PITPNC1: variants seen among roughly 807,000 people sequenced by gnomAD.
PITPNC1 encodes the protein phosphatidylinositol transfer protein cytoplasmic 1.
In PITPNC1, 18 loss-of-function variants were observed where a neutral mutation model predicts 44.7. The ratio of observed to expected loss-of-function variants is 0.40; its 90% CI spans 0.28 to 0.60. The LOEUF (loss-of-function observed/expected upper bound fraction) is 0.60, where lower values mean the gene tolerates loss of function less well. Ranked by LOEUF, PITPNC1 falls within the 20% of genes least tolerant of loss-of-function variation. The pLI is 0.39. For synonymous variants in PITPNC1, 141 were observed against 149.6 expected (o/e 0.94, Z 0.42); for missense variants, 290 against 418.4 (o/e 0.69, Z 2.68).
At chr17:67,598,486 G>A (rs972212415) in intron 5 of PITPNC1, among the ~76,000 whole-genome samples, 4 of 152,224 alleles carry the variant, frequency 2.6e-5, no homozygotes, top group African/African-American at 9.6e-5. Context: ...GGCATTAGGA[G>A]GTGAGGCCTT....
At chr17:67,624,972 A>G (rs2041878639) in intron 5 of PITPNC1, among the ~76,000 whole-genome samples, 1 of 152,182 alleles carries the variant, frequency 6.6e-6, no homozygotes, top group East Asian at 1.9e-4. Context: ...AATCTATAAC[A>G]TGGTAATTAT....
chr17:67,471,613 T>G (rs2039534168), intron 1 of PITPNC1: 1 of 359,006 alleles, frequency 2.8e-6, no homozygotes, highest in Admixed American at 3.8e-5. Flanking sequence ...TCTGTAAATC[T>G]AAAGTTAACT....
At chr17:67,655,440 G>A (rs948466390) in intron 6 of PITPNC1, among the ~76,000 whole-genome samples, 3 of 151,292 alleles carry the variant, frequency 2.0e-5, no homozygotes, top group Non-Finnish European at 2.9e-5. Flanking sequence ...GGCGCCTGTG[G>A]TCCCAGCTAC....
chr17:67,423,253 T>A (rs1405432460), intron 1 of PITPNC1, among the ~76,000 whole-genome samples: 3 of 152,220 alleles, frequency 2.0e-5, no homozygotes, highest in Non-Finnish European at 4.4e-5. Flanking sequence ...CATTGAGATT[T>A]GGGTTTAGCT....
chr17:67,633,153 C>A (rs2041991562), intron 6 of PITPNC1, among the ~76,000 whole-genome samples: 1 of 152,060 alleles, frequency 6.6e-6, no homozygotes, highest in Non-Finnish European at 1.5e-5. Context: ...ACATCCCAGC[C>A]CTGCAATGAC....
At chr17:67,659,072 G>T (rs1279394687) in intron 6 of PITPNC1, among the ~76,000 whole-genome samples, 3 of 152,108 alleles carry the variant, frequency 2.0e-5, no homozygotes, top group Non-Finnish European at 4.4e-5. Context: ...CAGCTTTCAG[G>T]CTTGTGGCTG....
chr17:67,530,617 G>A (rs1048325467), intron 1 of PITPNC1, among the ~76,000 whole-genome samples: 2 of 152,246 alleles, frequency 1.3e-5, no homozygotes, highest in Non-Finnish European at 2.9e-5. Context: ...TGTATTTTGC[G>A]GGGACACAAT....
chr17:67,620,254 A>T (rs2041812811), intron 5 of PITPNC1, among the ~76,000 whole-genome samples: 1 of 152,184 alleles, frequency 6.6e-6, no homozygotes, highest in South Asian at 2.1e-4. Flanking sequence ...GGGTCTCACT[A>T]TGTTGCCCCG....
At chr17:67,519,171 G>GTTTTTTTTTTT (rs563294178) in intron 1 of PITPNC1, among the ~76,000 whole-genome samples, 2 of 78,750 alleles carry the variant, frequency 2.5e-5, no homozygotes, top group Admixed American at 1.8e-4. Context: ...GCAGCATTCT[G>GTTTTTTTTTTT]TTTTTTTTTT....
chr17:67,589,178 C>T (rs1488061433), intron 5 of PITPNC1, among the ~76,000 whole-genome samples: 1 of 152,190 alleles, frequency 6.6e-6, no homozygotes, highest in Non-Finnish European at 1.5e-5. Flanking sequence ...GATGTGGCCA[C>T]TGCTATTTGT....
At chr17:67,682,427 G>A (rs2042727434) in intron 8 of PITPNC1, among the ~76,000 whole-genome samples, 1 of 152,134 alleles carries the variant, frequency 6.6e-6, no homozygotes, top group South Asian at 2.1e-4. Flanking sequence ...ACTGGCAGAG[G>A]AGAACGTTCT....
At chr17:67,523,790 A>G (rs1389881708) in intron 1 of PITPNC1, among the ~76,000 whole-genome samples, 1 of 148,416 alleles carries the variant, frequency 6.7e-6, no homozygotes, top group Non-Finnish European at 1.5e-5. Context: ...TCACCAGCTC[A>G]GAAATACATG....
intron 5 of PITPNC1, among the ~76,000 whole-genome samples, chr17:67,580,649 A>G (rs77313458): frequency 7.9e-5 from 12 of 152,186 alleles, no homozygotes; most frequent in Admixed American, 7.2e-4. Flanking sequence ...CTGGAAAAAA[A>G]TTTTTTAAAT....
intron 1 of PITPNC1, among the ~76,000 whole-genome samples, chr17:67,403,930 G>C (rs750899342): frequency 2.6e-5 from 4 of 152,210 alleles, no homozygotes; most frequent in African/African-American, 9.6e-5. Context: ...GCTGAGGCAG[G>C]AGAATCCCTT....
rs548354069 is a variant in PITPNC1 at position 67,693,798 on chromosome 17, G to T, written c.*910G>T. ...TACAAGGGTAGAGTAAGCTAACTGG[G>T]CTTTAACATGGTCAGAATGTCTGGT... On this transcript the variant is annotated 3_prime_UTR_variant, in exon 9 of 9. Coordinates refer to ENST00000581322, the MANE Select transcript of PITPNC1 (RefSeq NM_012417.4). 6.6e-6 allele frequency: 1 copy of T among 152,274 alleles called. No homozygotes were observed. Among genetic ancestry groups the T allele is most frequent in the Admixed American group, 6.5e-5 (1 of 15,290 alleles). 9.4% of individuals were successfully genotyped at this position (152,274 alleles called of 1,614,324 possible). A position where few individuals can be genotyped will look rare whatever the true frequency, so the allele number is the denominator to read the frequency against.
chr17:67,554,250 A>G (rs1196925507), intron 4 of PITPNC1, among the ~76,000 whole-genome samples: 7 of 130,476 alleles, frequency 5.4e-5, no homozygotes, highest in African/African-American at 1.8e-4. Context: ...AAAATAGTTT[A>G]TGATTTTTTT....
At chr17:67,611,445 A>G (rs2060313) in intron 5 of PITPNC1, 41,835 of 152,208 alleles carry the variant, frequency 0.27, 6,027 homozygotes, top group East Asian at 0.41. Flanking sequence ...CCTCAGATCA[A>G]TAGATGAATG....
At chr17:67,689,218 T>C (rs1338675476) in intron 8 of PITPNC1, among the ~76,000 whole-genome samples, 1 of 150,572 alleles carries the variant, frequency 6.6e-6, no homozygotes, top group East Asian at 1.9e-4. Context: ...AATAAATAAA[T>C]AAATAAAGTA....
At chr17:67,434,362 G>A (rs1236988879) in intron 1 of PITPNC1, among the ~76,000 whole-genome samples, 1 of 152,192 alleles carries the variant, frequency 6.6e-6, no homozygotes, top group Admixed American at 6.5e-5. Context: ...TGCCACCCCA[G>A]CCTGGGAACT....
Sources: allele counts gnomAD v4.1 joint callset (sites outside exome capture counted in the v4.1 genomes callset), GRCh38; gene constraint gnomAD v4.1.1; transcripts MANE v1.5; gene names NCBI Gene and HGNC (gene_info 2026-07-23, HGNC 2026-07-21).